The following SNTB1 variants were observed in gnomAD, a reference collection of about 807,000 sequenced individuals.
The protein encoded by SNTB1 is beta-1-syntrophin.
SNTB1 carries 36 observed loss-of-function variants against 48.9 expected under a neutral mutation model. That is an observed-to-expected ratio of 0.74 (90% CI 0.56 to 0.97). The LOEUF is 0.97. SNTB1 is among the 50% of genes least tolerant of loss of function. The pLI, the probability that SNTB1 is intolerant of heterozygous loss-of-function variation, is 0.00. For synonymous variants in SNTB1, 299 were observed against 294.6 expected, an observed-to-expected ratio of 1.01 and a Z score of -0.15; for missense variants, 786 against 703.4, an observed-to-expected ratio of 1.12 and a Z score of -1.33.
At chr8:120,582,403 A>G (rs1396317298) in intron 3 of SNTB1, among the ~76,000 whole-genome samples, 4 of 152,212 alleles carry the variant, frequency 2.6e-5, no homozygotes, top group Non-Finnish European at 5.9e-5. Flanking sequence ...TAAAATCAAA[A>G]TAAGCAGAAA....
intron 2 of SNTB1, among the ~76,000 whole-genome samples, chr8:120,682,528 A>G (rs894842356): frequency 6.6e-6 from 1 of 152,238 alleles, no homozygotes; most frequent in Non-Finnish European, 1.5e-5. Flanking sequence ...CATTAAAACG[A>G]TTGCTGAAAT....
chr8:120,781,617 C>T (rs1309892280), intron 1 of SNTB1, among the ~76,000 whole-genome samples: 1 of 152,132 alleles, frequency 6.6e-6, no homozygotes, highest in Non-Finnish European at 1.5e-5. Flanking sequence ...AAAGCAAGAG[C>T]CCAGCATTCC....
At chr8:120,630,515 T>C (rs1816962477) in intron 3 of SNTB1, among the ~76,000 whole-genome samples, 1 of 152,194 alleles carries the variant, frequency 6.6e-6, no homozygotes. Flanking sequence ...TCCTTTCCAA[T>C]GATCCCTTTC....
At chr8:120,616,917 G>C (rs1227274728) in intron 3 of SNTB1, among the ~76,000 whole-genome samples, 2 of 152,174 alleles carry the variant, frequency 1.3e-5, no homozygotes, top group Non-Finnish European at 2.9e-5. Flanking sequence ...AGGGAACGTG[G>C]CTCCTGCAGA....
At chr8:120,576,214 A>G (rs939108086) in intron 3 of SNTB1, among the ~76,000 whole-genome samples, 12 of 152,224 alleles carry the variant, frequency 7.9e-5, no homozygotes, top group African/African-American at 1.9e-4. Context: ...TTAAAGAAAC[A>G]CTGCTCCAGA....
chr8:120,793,690 C>T (rs761039968), intron 1 of SNTB1, among the ~76,000 whole-genome samples: 2 of 151,984 alleles, frequency 1.3e-5, no homozygotes, highest in African/African-American at 2.4e-5. Context: ...GCCTATTAAA[C>T]TTAAAACTCT....
chr8:120,767,065 C>G (rs1428501159), intron 1 of SNTB1, among the ~76,000 whole-genome samples: 1 of 152,170 alleles, frequency 6.6e-6, no homozygotes, highest in Non-Finnish European at 1.5e-5. Flanking sequence ...TTACACTTCT[C>G]TCATCCTACT....
chr8:120,691,110 A>G (rs1818120181), intron 2 of SNTB1, among the ~76,000 whole-genome samples: 1 of 152,222 alleles, frequency 6.6e-6, no homozygotes, highest in South Asian at 2.1e-4. Context: ...GAAGTTTCCA[A>G]TATCTAAATT....
chr8:120,559,341 T>C (rs1436306091), intron 4 of SNTB1, among the ~76,000 whole-genome samples: 1 of 152,230 alleles, frequency 6.6e-6, no homozygotes, highest in African/African-American at 2.4e-5. Flanking sequence ...TTTGAAAAAG[T>C]GAAAGTTGTT....
At chr8:120,777,269 C>G (rs896523096) in intron 1 of SNTB1, among the ~76,000 whole-genome samples, 1 of 152,144 alleles carries the variant, frequency 6.6e-6, no homozygotes, top group African/African-American at 2.4e-5. Flanking sequence ...GGAAAAATCC[C>G]AAGACCATGC....
At chr8:120,789,369 A>G (rs1410787717) in intron 1 of SNTB1, among the ~76,000 whole-genome samples, 1 of 151,992 alleles carries the variant, frequency 6.6e-6, no homozygotes, top group Non-Finnish European at 1.5e-5. Context: ...CAAAGCTAGC[A>G]AGTAAAAAGA....
chr8:120,791,517 G>A (rs1008290416), intron 1 of SNTB1, among the ~76,000 whole-genome samples: 11 of 152,010 alleles, frequency 7.2e-5, no homozygotes, highest in African/African-American at 2.7e-4. Flanking sequence ...CTTACAGAAT[G>A]GGAGAACATA....
chr8:120,745,073 T>C (rs553386403), intron 1 of SNTB1, among the ~76,000 whole-genome samples: 31 of 152,060 alleles, frequency 2.0e-4, no homozygotes, highest in East Asian at 7.7e-4. Flanking sequence ...ATTAGGACCA[T>C]AGGCAGAAGA....
In SNTB1 at chr8:120,592,652, C is replaced by G. The variant is rs553043285; in HGVS notation, c.997-17427G>C. Among the ~76,000 whole-genome samples the G allele has an allele frequency of 2.0e-5, 3 of 152,266 alleles. No individual in the cohort carries two copies. In the East Asian group the frequency reaches 5.8e-4, roughly 29 times the overall value. ...ACAAGCAGAAGTAGACAAGCTTTCC[C>G]TCAGATGGAGCTTTTAGGCTGGCAG... On this transcript the variant is annotated intron_variant, in intron 3 of 6. Transcript: ENST00000517992.
intron 3 of SNTB1, among the ~76,000 whole-genome samples, chr8:120,610,513 T>C (rs1003983881): frequency 1.3e-5 from 2 of 149,964 alleles, no homozygotes; most frequent in African/African-American, 4.9e-5. Flanking sequence ...TGGTTTGCAT[T>C]TGCAGCCCAC....
At chr8:120,751,829 G>C (rs1819219845) in intron 1 of SNTB1, among the ~76,000 whole-genome samples, 1 of 151,976 alleles carries the variant, frequency 6.6e-6, no homozygotes, top group Admixed American at 6.6e-5. Context: ...GCACACAATG[G>C]GTGCCCAATA....
At chr8:120,577,818 T>C (rs1160288446) in intron 3 of SNTB1, among the ~76,000 whole-genome samples, 1 of 152,226 alleles carries the variant, frequency 6.6e-6, no homozygotes, top group Non-Finnish European at 1.5e-5. Context: ...TAGGTTTAAA[T>C]AGTCCCAAAG....
intron 5 of SNTB1, among the ~76,000 whole-genome samples, chr8:120,542,754 C>T (rs1226329799): frequency 3.9e-5 from 6 of 151,930 alleles, no homozygotes; most frequent in Non-Finnish European, 8.8e-5. Flanking sequence ...TTATATCTAC[C>T]ACTTGGTGAA....
chr8:120,680,957 T>C (rs1281398690), intron 2 of SNTB1, among the ~76,000 whole-genome samples: 1 of 151,782 alleles, frequency 6.6e-6, no homozygotes, highest in Non-Finnish European at 1.5e-5. Flanking sequence ...CATAGAACCA[T>C]GCTTGGTGAA....
Sources: allele counts gnomAD v4.1 joint callset (sites outside exome capture counted in the v4.1 genomes callset), GRCh38; gene constraint gnomAD v4.1.1; transcripts MANE v1.5; gene names NCBI Gene and HGNC (gene_info 2026-07-23, HGNC 2026-07-21).